Variants in PHACTR3 observed in about 807,000 individuals in gnomAD.
The protein encoded by PHACTR3 is protein phosphatase 1, regulatory subunit 123.
Under a neutral mutation model 66.8 loss-of-function variants are expected in PHACTR3, and 16 were observed. The ratio of observed to expected loss-of-function variants is 0.24; its 90% confidence interval spans 0.16 to 0.36. The LOEUF is 0.36. PHACTR3 is among the 10% of genes least tolerant of loss of function. PHACTR3 has a pLI of 1.00. For synonymous variants in PHACTR3, 323 were observed against 292.1 expected, an observed-to-expected ratio of 1.11 and a Z score of -1.08; for missense variants, 647 against 719.9, an observed-to-expected ratio of 0.90 and a Z score of 1.16.
rs571854242 is a variant in PHACTR3 at position 59,622,127 on chromosome 20, C to T, written c.118+16995C>T. Among the ~76,000 whole-genome samples, 20 of 150,998 alleles carry T rather than the reference C, an allele frequency of 1.3e-4. No homozygotes were observed. In the South Asian group the frequency reaches 2.5e-3, roughly 19 times the overall value. ...ATGTGTTTGTGTGTGCAGGTGTGCA[C>T]GTGTGGGTACTTCCCCTGATTTTTT... On this transcript the variant is annotated intron_variant, in intron 1 of 12. Transcript: ENST00000371015.
intron 3 of PHACTR3, among the ~76,000 whole-genome samples, chr20:59,750,298 A>G (rs369122258): frequency 6.6e-6 from 1 of 152,066 alleles, no homozygotes; most frequent in East Asian, 1.9e-4. Context: ...TCTGTTGCAT[A>G]TTAGGATCAC....
chr20:59,665,179 G>T (rs1272329479), intron 1 of PHACTR3, among the ~76,000 whole-genome samples: 1 of 152,268 alleles, frequency 6.6e-6, no homozygotes, highest in African/African-American at 2.4e-5. Flanking sequence ...GATTTTCAAG[G>T]CTTCACCATT....
At position 59,830,973 on chromosome 20, in the gene PHACTR3, C is replaced by G. The variant is rs2042353173; in HGVS notation, c.1329-5532C>G. ...CCTGGAGCCTCTCCAGGCGTCCTGA[C>G]TGTCCAGGCTGTCGGCGGTCTCATC... On this transcript the variant is annotated intron_variant, in intron 8 of 12. Transcript: ENST00000371015. This position sits in a 1 kb window ranked among gnomAD's most constrained non-coding sequence, Gnocchi z 5.8. Among the ~76,000 whole-genome samples the G allele has an allele frequency of 6.6e-6, 1 of 152,132 alleles. No individual in the cohort carries two copies. Among genetic ancestry groups the G allele is most frequent in the Non-Finnish European group, 1.5e-5 (1 of 68,014 alleles).
chr20:59,810,191 G>A (rs1323307158), intron 8 of PHACTR3, among the ~76,000 whole-genome samples: 4 of 152,348 alleles, frequency 2.6e-5, no homozygotes, highest in East Asian at 1.9e-4. Context: ...CCCCACCGCC[G>A]ACTGTGAAGG....
intron 1 of PHACTR3, among the ~76,000 whole-genome samples, chr20:59,619,062 G>T (rs146751835): frequency 1.1e-4 from 16 of 152,318 alleles, no homozygotes; most frequent in African/African-American, 3.8e-4. Context: ...ACTACCTCCT[G>T]TGTGCTTTTC....
rs769173770 is a variant in PHACTR3 at position 59,767,281 on chromosome 20, T to C, written c.637T>C (p.Ser213Pro). The C allele has an allele frequency of 8.1e-6, 13 of 1,614,080 alleles. No homozygotes were observed. Among genetic ancestry groups the C allele is most frequent in the Non-Finnish European group, 1.1e-5 (13 of 1,180,052 alleles). The change falls in exon 5 of 13, where the codon TCC (serine) becomes CCC (proline). Residue 213 changes from serine to proline, a missense_variant. Ser to Pro is a moderately conservative substitution (Grantham distance 74, BLOSUM62 -1). This residue lies in a region of PHACTR3 where 577 missense variants were observed against 571.1 expected (regional missense o/e 1.01). Coordinates refer to ENST00000371015, the MANE Select transcript of PHACTR3 (RefSeq NM_080672.5). The part of the protein sequence containing the change: ...ELSQALAGAD[S>P]LDSPPRPLER... ...CTCCCAAGCCTTAGCTGGGGCTGAC[T>C]CCCTGGACAGTCCTCCCAGACCTCT... is the stretch of plus-strand genomic sequence containing the variant.
At chr20:59,734,515 C>A (rs1476319890) in intron 1 of PHACTR3, among the ~76,000 whole-genome samples, 1 of 152,136 alleles carries the variant, frequency 6.6e-6, no homozygotes, top group Non-Finnish European at 1.5e-5. Context: ...GCATTGGCTT[C>A]CCAAGCCACT....
At position 59,806,060 on chromosome 20, in the gene PHACTR3, C is replaced by T. The variant is rs2041557785; in HGVS notation, c.1194C>T (p.Cys398=). 6.2e-7 allele frequency: 1 copy of T among 1,613,786 alleles called. No homozygotes were observed. The highest frequency in any genetic ancestry group is 8.5e-7 in the Non-Finnish European group (1 of 1,179,916). Residue 398 remains cysteine (C), a synonymous_variant, in exon 8 of 13, where the codon TGC becomes TGT. Transcript: ENST00000371015. ...SIISGTLPRK[C]KKELLAVKLR... ...TTTTAGGAACACTGCCACGGAAATG[C>T]AAGAAGGAGCTCCTGGCCGTGAAGC...
chr20:59,585,690 T>G (rs947703593), intron 1 of PHACTR3, among the ~76,000 whole-genome samples: 1 of 152,082 alleles, frequency 6.6e-6, no homozygotes, highest in African/African-American at 2.4e-5. Flanking sequence ...ATGGAGAGCA[T>G]GATGGGGAGG....
chr20:59,780,063 A>T (rs2040671507), intron 7 of PHACTR3, among the ~76,000 whole-genome samples: 1 of 152,194 alleles, frequency 6.6e-6, no homozygotes, highest in Non-Finnish European at 1.5e-5. Flanking sequence ...CAGTAGAAAC[A>T]CGTGATGAGG....
intron 1 of PHACTR3, among the ~76,000 whole-genome samples, chr20:59,727,780 G>A (rs891426900): frequency 6.6e-6 from 1 of 152,132 alleles, no homozygotes; most frequent in Admixed American, 6.5e-5. Flanking sequence ...AGAACATTTT[G>A]GATTTCAAAG....
Position 59,764,704 on chromosome 20 carries a change from T to C in PHACTR3, c.542-2482T>C, listed in dbSNP as rs566474899. On this transcript the variant is annotated intron_variant, in intron 4 of 12. Coordinates refer to ENST00000371015, the MANE Select transcript of PHACTR3 (RefSeq NM_080672.5). Reference sequence around the variant, plus strand: ...CTTTGGAAATGTGCTGGGTGACCAGTACCCTGAGAGCGTAACCCATTCACA... The same window carrying C: ...CTTTGGAAATGTGCTGGGTGACCAGCACCCTGAGAGCGTAACCCATTCACA... 1.7e-3 allele frequency among the ~76,000 whole-genome samples: 265 copies of C among 152,336 alleles called. 4 individuals carry two copies. The highest frequency in any genetic ancestry group is 6.0e-3 in the African/African-American group (250 of 41,566).
At chr20:59,831,407 T>C (rs1379755640) in intron 8 of PHACTR3, among the ~76,000 whole-genome samples, 1 of 152,142 alleles carries the variant, frequency 6.6e-6, no homozygotes, top group Non-Finnish European at 1.5e-5. Flanking sequence ...CCCTGGGGTT[T>C]CTTTTCTTAG....
chr20:59,739,668 C>CT (rs1286012382), intron 1 of PHACTR3, among the ~76,000 whole-genome samples: 1 of 152,162 alleles, frequency 6.6e-6, no homozygotes. Flanking sequence ...TGGTCTTTCT[C>CT]TTGACACATG....
intron 11 of PHACTR3, among the ~76,000 whole-genome samples, chr20:59,843,299 A>C (rs1302019111): frequency 6.6e-6 from 1 of 152,098 alleles, no homozygotes; most frequent in Non-Finnish European, 1.5e-5. Flanking sequence ...GACCAATGCA[A>C]TCCCTATCAA....
intron 1 of PHACTR3, among the ~76,000 whole-genome samples, chr20:59,583,047 C>T (rs898558414): frequency 2.0e-5 from 3 of 152,182 alleles, no homozygotes; most frequent in African/African-American, 7.2e-5. Context: ...GAAAGTCCTG[C>T]ATCCTGAGAA....
At chr20:59,666,554 C>A (rs1601044250) in intron 1 of PHACTR3, among the ~76,000 whole-genome samples, 2 of 146,776 alleles carry the variant, frequency 1.4e-5, no homozygotes, top group African/African-American at 5.1e-5. Flanking sequence ...GAGAGAGAGA[C>A]AAAGAGAGAC....
intron 1 of PHACTR3, among the ~76,000 whole-genome samples, chr20:59,586,727 C>G (rs1476037635): frequency 6.6e-6 from 1 of 152,164 alleles, no homozygotes. Context: ...AGTCACTGGA[C>G]AGTGATAGTC....
At chr20:59,684,638 C>T (rs1236787284) in intron 1 of PHACTR3, among the ~76,000 whole-genome samples, 1 of 152,170 alleles carries the variant, frequency 6.6e-6, no homozygotes, top group Non-Finnish European at 1.5e-5. Flanking sequence ...CTCTGAGGTC[C>T]TTCCTACTGT....
Sources: gnomAD v4.1 joint callset for allele counts (sites outside exome capture counted in the v4.1 genomes callset) on GRCh38, gnomAD v4.1.1 for gene constraint, gnomAD v4.1.1 regional missense constraint, Gnocchi (gnomAD v3.1) non-coding constraint, MANE v1.5 for transcripts, NCBI Gene and HGNC (gene_info 2026-07-23, HGNC 2026-07-21) for gene names.